NCOA1: variants seen among roughly 807,000 people sequenced by gnomAD.
NCOA1 encodes nuclear receptor coactivator 1.
A neutral mutation model predicts 150.9 loss-of-function variants in NCOA1; 35 were observed. The ratio of observed to expected loss-of-function variants is 0.23; its 90% CI spans 0.18 to 0.31. NCOA1 has a LOEUF of 0.31. NCOA1 is among the 10% of genes least tolerant of loss of function. NCOA1 has a pLI of 1.00. For synonymous variants in NCOA1, 590 were observed against 630.0 expected (o/e 0.94, Z 0.95); for missense variants, 1,491 against 1,749.3 (o/e 0.85, Z 2.63).
intron 3 of NCOA1, among the ~76,000 whole-genome samples, chr2:24,592,001 A>G (rs1667677630): frequency 6.6e-6 from 1 of 152,038 alleles, no homozygotes; most frequent in Non-Finnish European, 1.5e-5. Flanking sequence ...TCTTTTCTCC[A>G]TTAGTTTATA....
intron 17 of NCOA1, among the ~76,000 whole-genome samples, chr2:24,734,967 A>G (rs1663222085): frequency 6.6e-6 from 1 of 152,194 alleles, no homozygotes; most frequent in South Asian, 2.1e-4. Context: ...AGAGGTGACA[A>G]TGGGGAAAGA....
At position 24,555,042 on chromosome 2, in the gene NCOA1, G is replaced by A. The variant is rs564580265; in HGVS notation, c.-395-9253G>A. 3.5e-4 allele frequency among the ~76,000 whole-genome samples: 53 copies of A among 151,944 alleles called. 2 individuals are homozygous for A. In the South Asian group the frequency reaches 8.8e-3, roughly 25 times the overall value. ...AGACACACACGAGGAGTTTAGGAGC[G>A]GAGGTTTAATAGGCAAGAGAAAGAG... On this transcript the variant is annotated intron_variant, in intron 1 of 22. Transcript: ENST00000348332.
At chr2:24,529,753 T>A (rs1290475844) in intron 1 of NCOA1, among the ~76,000 whole-genome samples, 1 of 152,204 alleles carries the variant, frequency 6.6e-6, no homozygotes, top group African/African-American at 2.4e-5. Context: ...ATATATATTC[T>A]CTTTAGTACT....
intron 17 of NCOA1, among the ~76,000 whole-genome samples, chr2:24,738,723 C>T (rs887924381): frequency 6.6e-6 from 1 of 152,204 alleles, no homozygotes; most frequent in African/African-American, 2.4e-5. Flanking sequence ...CCCATCATTT[C>T]CAGTACTTAA....
chr2:24,637,944 C>A (rs1396489334), intron 3 of NCOA1, among the ~76,000 whole-genome samples: 1 of 152,118 alleles, frequency 6.6e-6, no homozygotes, highest in Non-Finnish European at 1.5e-5. Context: ...GATCTGCCCA[C>A]CTCGGCCTCC....
intron 3 of NCOA1, among the ~76,000 whole-genome samples, chr2:24,612,333 C>T (rs528068476): frequency 6.6e-6 from 1 of 152,232 alleles, no homozygotes; most frequent in African/African-American, 2.4e-5. Context: ...TTTTCATTAG[C>T]TTTGACCTTG....
At chr2:24,714,543 G>C (rs1189444079) in intron 14 of NCOA1, among the ~76,000 whole-genome samples, 1 of 151,800 alleles carries the variant, frequency 6.6e-6, no homozygotes, top group Non-Finnish European at 1.5e-5. Context: ...GAAAAATACA[G>C]TATTTAAAAT....
intron 3 of NCOA1, among the ~76,000 whole-genome samples, chr2:24,626,891 C>T (rs55667846): frequency 0.062 from 9,443 of 152,092 alleles, 320 homozygotes; most frequent in East Asian, 0.11. Context: ...TTTCTTTTCT[C>T]CTATTAGAAT....
chr2:24,494,566 G>A (rs780501731), intron 1 of NCOA1, among the ~76,000 whole-genome samples: 4 of 152,186 alleles, frequency 2.6e-5, no homozygotes, highest in Non-Finnish European at 5.9e-5. Flanking sequence ...GATTGTTTTG[G>A]CATTGGTTTT....
In NCOA1 at chr2:24,707,100, A is replaced by G. The variant is rs767673759; in HGVS notation, c.1630A>G (p.Met544Val). Residue 544 changes from methionine to valine, a missense_variant, in exon 13 of 23, where the codon ATG becomes GTG. Coordinates refer to ENST00000348332, the MANE Select transcript of NCOA1 (RefSeq NM_003743.5). ...SNIPVTSLQG[M>V]NEGPNNSVGF... is the part of the protein sequence containing the mutation. Reference sequence around the variant, plus strand: ...CATCCCAGTAACATCTTTACAGGGTATGAATGAAGGACCCAATAACTCCGT... The same window carrying G: ...CATCCCAGTAACATCTTTACAGGGTGTGAATGAAGGACCCAATAACTCCGT... The G allele has an allele frequency of 6.2e-7, 1 of 1,614,204 alleles. No individual in the cohort carries two copies. The highest frequency in any genetic ancestry group is 1.7e-5 in the Admixed American group (1 of 60,030).
At chr2:24,495,097 T>G (rs1289775388) in intron 1 of NCOA1, among the ~76,000 whole-genome samples, 9 of 140,416 alleles carry the variant, frequency 6.4e-5, no homozygotes, top group Non-Finnish European at 1.4e-4. Context: ...AAGGTGTTTT[T>G]TTTTTGTTTT....
At chr2:24,519,581 A>T (rs1165172370) in intron 1 of NCOA1, among the ~76,000 whole-genome samples, 2 of 149,934 alleles carry the variant, frequency 1.3e-5, no homozygotes, top group African/African-American at 4.9e-5. Context: ...GCACTTTGGG[A>T]TGCTGAGGCT....
intron 3 of NCOA1, among the ~76,000 whole-genome samples, chr2:24,624,085 G>A (rs1275340388): frequency 6.6e-6 from 1 of 152,006 alleles, no homozygotes; most frequent in Non-Finnish European, 1.5e-5. Context: ...AGTAATGGAG[G>A]GTAAAATTGG....
chr2:24,745,787 A>G (rs1322402756), intron 19 of NCOA1, among the ~76,000 whole-genome samples: 3 of 152,156 alleles, frequency 2.0e-5, no homozygotes, highest in South Asian at 4.1e-4. Flanking sequence ...CATCAACTCC[A>G]TGTTCCCTTT....
chr2:24,681,873 C>A (rs1672192856), intron 7 of NCOA1, among the ~76,000 whole-genome samples: 1 of 152,148 alleles, frequency 6.6e-6, no homozygotes, highest in African/African-American at 2.4e-5. Flanking sequence ...CGCTACCACA[C>A]TTGGCTAATT....
At chr2:24,675,660 G>A (rs1422510152) in intron 7 of NCOA1, among the ~76,000 whole-genome samples, 1 of 152,188 alleles carries the variant, frequency 6.6e-6, no homozygotes, top group Non-Finnish European at 1.5e-5. Context: ...CAAGGCGGGT[G>A]GATCACTTGA....
At chr2:24,621,728 C>T (rs542524625) in intron 3 of NCOA1, among the ~76,000 whole-genome samples, 24 of 152,260 alleles carry the variant, frequency 1.6e-4, no homozygotes, top group Non-Finnish European at 2.9e-4. Context: ...GATCCATCCT[C>T]TTCGGCTTCC....
chr2:24,648,907 AATTTT>A, intron 4 of NCOA1, among the ~76,000 whole-genome samples: 1 of 152,182 alleles, frequency 6.6e-6, no homozygotes, highest in Non-Finnish European at 1.5e-5. Flanking sequence ...ATATTGAAGT[AATTTT>A]TTGTGTAAAT....
chr2:24,511,508 T>C (rs1663934550), intron 1 of NCOA1, among the ~76,000 whole-genome samples: 1 of 152,232 alleles, frequency 6.6e-6, no homozygotes, highest in Non-Finnish European at 1.5e-5. Context: ...ATATGCTTTT[T>C]GGCCATTTGT....
Sources: allele counts gnomAD v4.1 joint callset (sites outside exome capture counted in the v4.1 genomes callset), GRCh38; gene constraint gnomAD v4.1.1; transcripts MANE v1.5; gene names NCBI Gene and HGNC (gene_info 2026-07-23, HGNC 2026-07-21).